The following NCKAP5 variants were observed in gnomAD, a reference collection of about 807,000 sequenced individuals.
The protein encoded by NCKAP5 is nck-associated protein 5.
A neutral mutation model predicts 167.0 loss-of-function variants in NCKAP5; 92 were observed. That is an observed-to-expected ratio of 0.55 (90% confidence interval 0.47 to 0.66). The LOEUF (loss-of-function observed/expected upper bound fraction) is 0.66, where lower values mean the gene tolerates loss of function less well. NCKAP5 is among the 30% of genes least tolerant of loss of function. The pLI, the probability that NCKAP5 is intolerant of heterozygous loss-of-function variation, is 0.00. For missense variants in NCKAP5, 2,378 were observed against 2,315.0 expected (o/e 1.03, Z -0.56); for synonymous variants, 891 against 877.4 (o/e 1.02, Z -0.27).
chr2:133,475,904 G>T (rs1472688146), intron 3 of NCKAP5, among the ~76,000 whole-genome samples: 1 of 152,214 alleles, frequency 6.6e-6, no homozygotes, highest in African/African-American at 2.4e-5. Context: ...GAAAAGGTAT[G>T]TGTCAACCCA....
chr2:133,100,315 C>T (rs1332887439), intron 6 of NCKAP5, among the ~76,000 whole-genome samples: 1 of 152,146 alleles, frequency 6.6e-6, no homozygotes, highest in Non-Finnish European at 1.5e-5. Context: ...TATATTTTAT[C>T]CATCCTATTA....
chr2:132,973,830 T>C (rs2076903403), intron 7 of NCKAP5, among the ~76,000 whole-genome samples: 1 of 152,180 alleles, frequency 6.6e-6, no homozygotes, highest in Non-Finnish European at 1.5e-5. Context: ...AAAAGGCCAG[T>C]GAGAGTTTAG....
chr2:132,833,018 T>C (rs1465258594), intron 11 of NCKAP5, among the ~76,000 whole-genome samples: 1 of 152,178 alleles, frequency 6.6e-6, no homozygotes, highest in African/African-American at 2.4e-5. Flanking sequence ...CATTCCTTTT[T>C]CTCTGCATCC....
rs79544344 is a variant in NCKAP5 at position 133,098,440 on chromosome 2, T to C, written c.341+31538A>G. 5.9e-3 allele frequency among the ~76,000 whole-genome samples: 891 copies of C among 152,304 alleles called. 3 individuals carry two copies. The highest frequency in any genetic ancestry group is 0.02 in the African/African-American group (841 of 41,566). On this transcript the variant is annotated intron_variant, in intron 6 of 19. Coordinates refer to ENST00000409261, the MANE Select transcript of NCKAP5 (RefSeq NM_207363.3). The stretch of plus-strand genomic sequence containing the variant: ...ATACTGCAGTGAGTACCAAGAGAAT[T>C]AAAATTATTAGGCACTAATTTTAAA...
intron 3 of NCKAP5, among the ~76,000 whole-genome samples, chr2:133,420,365 C>T (rs1292253895): frequency 1.3e-5 from 2 of 152,178 alleles, no homozygotes; most frequent in Admixed American, 6.5e-5. Flanking sequence ...CAAGCCACTA[C>T]ATATTGTACA....
At chr2:132,882,023 T>C (rs1372143782) in intron 8 of NCKAP5, among the ~76,000 whole-genome samples, 3 of 152,230 alleles carry the variant, frequency 2.0e-5, no homozygotes, top group Non-Finnish European at 2.9e-5. Flanking sequence ...TCTGTTAGTA[T>C]GAAAACATCA....
intron 6 of NCKAP5, among the ~76,000 whole-genome samples, chr2:133,008,397 T>TG (rs146368788): frequency 0.021 from 3,179 of 152,300 alleles, 107 homozygotes; most frequent in African/African-American, 0.073. Flanking sequence ...TGTTTTGCTT[T>TG]GAAAAATACA....
At position 132,852,136 on chromosome 2, in the gene NCKAP5, G is replaced by A. The variant is rs1330938796; in HGVS notation, c.807+8356C>T. ...TTTATCCAAAACTCAGAATGAAAAT[G>A]TAGTGCTTAATAACAATTTTTACTA... On this transcript the variant is annotated intron_variant, in intron 11 of 19. Coordinates refer to ENST00000409261, the MANE Select transcript of NCKAP5 (RefSeq NM_207363.3). 2.6e-5 allele frequency among the ~76,000 whole-genome samples: 4 copies of A among 152,156 alleles called. No homozygotes were observed. The South Asian group carries it at 6.2e-4, about 24-fold the overall frequency.
chr2:132,742,759 T>C (rs1679315458), intron 16 of NCKAP5, among the ~76,000 whole-genome samples: 1 of 151,930 alleles, frequency 6.6e-6, no homozygotes, highest in African/African-American at 2.4e-5. Flanking sequence ...TTTTAACATG[T>C]TTTACTTGCT....
At chr2:132,700,522 C>A (rs961274104) in intron 19 of NCKAP5, among the ~76,000 whole-genome samples, 7 of 152,142 alleles carry the variant, frequency 4.6e-5, no homozygotes, top group Admixed American at 6.5e-5. Flanking sequence ...GGAAGGGATC[C>A]AGTTTCAGCT....
the NCKAP5 span, among the ~76,000 whole-genome samples, chr2:133,637,629 G>A: frequency 7.9e-5 from 10 of 126,832 alleles, no homozygotes; most frequent in South Asian, 4.7e-4. Context: ...GTTTTAAAAA[G>A]CAAATTGGAC....
intron 3 of NCKAP5, among the ~76,000 whole-genome samples, chr2:133,428,790 T>C (rs1448785483): frequency 6.6e-6 from 1 of 152,104 alleles, no homozygotes; most frequent in African/African-American, 2.4e-5. Context: ...TTTGAAAATA[T>C]AGGCTACTAT....
intron 3 of NCKAP5, among the ~76,000 whole-genome samples, chr2:133,463,219 C>A (rs1017309970): frequency 2.0e-5 from 3 of 152,158 alleles, no homozygotes; most frequent in Admixed American, 6.6e-5. Flanking sequence ...TGAGCATACG[C>A]CACATTTTTT....
rs76437604 is a variant in NCKAP5 at position 133,566,320 on chromosome 2, G to A, written c.-130+1896C>T. Among the ~76,000 whole-genome samples, 42 of 152,336 alleles carry A rather than the reference G, an allele frequency of 2.8e-4. No homozygotes were observed. In the East Asian group the frequency reaches 7.9e-3, roughly 29 times the overall value. On this transcript the variant is annotated intron_variant, in intron 1 of 19. Transcript: ENST00000409261. ...CTTGGAAGTAAAGCACAAACACTGA[G>A]TATCAGAGTTGGGAATCACCTCAGG... is the stretch of plus-strand genomic sequence containing the variant.
the NCKAP5 span, among the ~76,000 whole-genome samples, chr2:133,616,392 G>A: frequency 6.6e-6 from 1 of 152,246 alleles, no homozygotes. Flanking sequence ...CAACAAAGTT[G>A]ATAGACTGCT....
At chr2:133,296,218 G>T (rs1679947543) in intron 4 of NCKAP5, among the ~76,000 whole-genome samples, 1 of 152,134 alleles carries the variant, frequency 6.6e-6, no homozygotes, top group Non-Finnish European at 1.5e-5. Flanking sequence ...CATCCAGAAA[G>T]GTGAACTGGC....
intron 3 of NCKAP5, among the ~76,000 whole-genome samples, chr2:133,417,987 C>CT (rs1689229033): frequency 6.6e-6 from 1 of 152,200 alleles, no homozygotes; most frequent in Non-Finnish European, 1.5e-5. Context: ...CTTAGATGAA[C>CT]TTTAAAGCTG....
At chr2:133,329,847 T>A (rs1422577776) in intron 3 of NCKAP5, among the ~76,000 whole-genome samples, 1 of 152,082 alleles carries the variant, frequency 6.6e-6, no homozygotes, top group Non-Finnish European at 1.5e-5. Flanking sequence ...ACTTCATGAA[T>A]TCACCTGTGG....
intron 3 of NCKAP5, among the ~76,000 whole-genome samples, chr2:133,502,975 G>T (rs768746110): frequency 1.3e-5 from 2 of 152,156 alleles, no homozygotes; most frequent in Non-Finnish European, 2.9e-5. Flanking sequence ...ACGATCCTAG[G>T]TCACATCCAG....
Sources: allele counts gnomAD v4.1 joint callset (sites outside exome capture counted in the v4.1 genomes callset), GRCh38; gene constraint gnomAD v4.1.1; transcripts MANE v1.5; gene names NCBI Gene and HGNC (gene_info 2026-07-23, HGNC 2026-07-21).